Variants in TENM2 observed in about 807,000 individuals in gnomAD.
TENM2 encodes the protein teneurin transmembrane protein 2.
A neutral mutation model predicts 245.2 loss-of-function variants in TENM2; 52 were observed. That is an observed-to-expected ratio of 0.21 (90% CI 0.17 to 0.27). The LOEUF is 0.27. TENM2 is among the 10% of genes least tolerant of loss of function. TENM2 has a pLI of 1.00. For missense variants in TENM2, 3,046 were observed against 3,666.8 expected (o/e 0.83, Z 4.37); for synonymous variants, 1,363 against 1,438.9 (o/e 0.95, Z 1.19).
At chr5:167,099,470 C>A in the TENM2 span, among the ~76,000 whole-genome samples, 1 of 152,062 alleles carries the variant, frequency 6.6e-6, no homozygotes, top group Admixed American at 6.6e-5. Flanking sequence ...CCGAGGCGGG[C>A]GGATCGCCTG....
intron 2 of TENM2, among the ~76,000 whole-genome samples, chr5:167,552,495 A>C (rs1436995875): frequency 1.3e-5 from 2 of 152,162 alleles, no homozygotes; most frequent in Non-Finnish European, 2.9e-5. Context: ...TGAGATTACT[A>C]AGAACAAAAG....
chr5:167,725,897 A>G (rs1246235055), intron 2 of TENM2, among the ~76,000 whole-genome samples: 1 of 151,628 alleles, frequency 6.6e-6, no homozygotes, highest in African/African-American at 2.4e-5. Flanking sequence ...ACTAATCTCT[A>G]CTCATCCATT....
chr5:167,702,020 A>G (rs1758173499), intron 2 of TENM2, among the ~76,000 whole-genome samples: 1 of 152,166 alleles, frequency 6.6e-6, no homozygotes, highest in African/African-American at 2.4e-5. Flanking sequence ...AATTCAAGGA[A>G]TTTTCAACCA....
chr5:167,353,511 T>TTG, intron 1 of TENM2, among the ~76,000 whole-genome samples: 1 of 121,064 alleles, frequency 8.3e-6, no homozygotes, highest in South Asian at 3.2e-4. Flanking sequence ...TTTTTTTTTT[T>TTG]TTTTTTTTTT....
At chr5:167,225,465 T>C in the TENM2 span, among the ~76,000 whole-genome samples, 1 of 152,072 alleles carries the variant, frequency 6.6e-6, no homozygotes, top group South Asian at 2.1e-4. Flanking sequence ...ATGTATTAAG[T>C]TTATTGATTT....
chr5:167,169,844 G>A, the TENM2 span, among the ~76,000 whole-genome samples: 1 of 152,166 alleles, frequency 6.6e-6, no homozygotes, highest in South Asian at 2.1e-4. Context: ...TTGTTCTTTT[G>A]TAGGAATGAG....
the TENM2 span, among the ~76,000 whole-genome samples, chr5:167,060,945 G>A: frequency 6.6e-6 from 1 of 151,878 alleles, no homozygotes; most frequent in African/African-American, 2.4e-5. Flanking sequence ...GCTGATTTCT[G>A]GTCTTTTCCC....
At chr5:167,550,698 TAGTGTGTGTGTG>T (rs1582364142) in intron 2 of TENM2, among the ~76,000 whole-genome samples, 1 of 102,496 alleles carries the variant, frequency 9.8e-6, no homozygotes, top group East Asian at 2.9e-4. Context: ...TTGTTGTTGT[TAGTGTGTGTGTG>T]TGTGTGTGTG....
chr5:168,040,953 C>A (rs983442724), intron 5 of TENM2, among the ~76,000 whole-genome samples: 2 of 152,190 alleles, frequency 1.3e-5, no homozygotes, highest in African/African-American at 4.8e-5. Flanking sequence ...CAACCAAGGA[C>A]ATATTCGTAG....
the TENM2 span, among the ~76,000 whole-genome samples, chr5:167,133,544 T>G: frequency 6.6e-6 from 1 of 150,590 alleles, no homozygotes; most frequent in East Asian, 2.0e-4. Flanking sequence ...TGCTGACAGG[T>G]ATTAATTATA....
the TENM2 span, among the ~76,000 whole-genome samples, chr5:167,180,018 T>A: frequency 6.6e-6 from 1 of 151,732 alleles, no homozygotes; most frequent in Non-Finnish European, 1.5e-5. Context: ...CAAGGCTGAG[T>A]CCTGTTGGTA....
chr5:168,199,088 C>G, exon 16 of TENM2: 5 of 1,613,442 alleles, frequency 3.1e-6, no homozygotes, highest in Non-Finnish European at 4.2e-6. Context: ...TGCCCCTGGG[C>G]AGAATCCCAT....
At chr5:167,087,987 A>T in the TENM2 span, among the ~76,000 whole-genome samples, 1 of 152,006 alleles carries the variant, frequency 6.6e-6, no homozygotes, top group Non-Finnish European at 1.5e-5. Context: ...ACAAGGTTTC[A>T]CCATATTGGC....
the TENM2 span, among the ~76,000 whole-genome samples, chr5:166,999,829 A>G: frequency 6.6e-6 from 1 of 152,170 alleles, no homozygotes; most frequent in Non-Finnish European, 1.5e-5. Flanking sequence ...ATGTGGAACA[A>G]CACCCCAAAA....
the TENM2 span, among the ~76,000 whole-genome samples, chr5:166,986,210 A>G: frequency 6.6e-6 from 1 of 152,206 alleles, no homozygotes; most frequent in African/African-American, 2.4e-5. Context: ...AGCACCACTA[A>G]CACAGTGAAT....
At chr5:168,016,531 A>G (rs941707406) in intron 5 of TENM2, among the ~76,000 whole-genome samples, 1 of 152,264 alleles carries the variant, frequency 6.6e-6, no homozygotes, top group African/African-American at 2.4e-5. Context: ...AGTGAAGAGC[A>G]AGAGTGGCTT....
intron 1 of TENM2, among the ~76,000 whole-genome samples, chr5:167,333,485 C>A (rs183593523): frequency 2.0e-5 from 3 of 152,068 alleles, no homozygotes; most frequent in Non-Finnish European, 4.4e-5. Context: ...TTTTAGATTA[C>A]CTGATCAGTG....
chr5:167,588,912 G>A (rs1303025042), intron 2 of TENM2, among the ~76,000 whole-genome samples: 1 of 152,136 alleles, frequency 6.6e-6, no homozygotes, highest in Non-Finnish European at 1.5e-5. Context: ...ATAAAAATCA[G>A]ATGACAGGCC....
At chr5:167,767,020 A>G (rs1763074604) in intron 2 of TENM2, among the ~76,000 whole-genome samples, 1 of 152,254 alleles carries the variant, frequency 6.6e-6, no homozygotes, top group African/African-American at 2.4e-5. Flanking sequence ...ACGTACAATT[A>G]CCATATGATC....
Sources: gnomAD v4.1 joint callset for allele counts (sites outside exome capture counted in the v4.1 genomes callset) on GRCh38, gnomAD v4.1.1 for gene constraint, MANE v1.5 for transcripts, NCBI Gene and HGNC (gene_info 2026-07-23, HGNC 2026-07-21) for gene names.